Variants in ZNF525 observed in about 807,000 individuals in gnomAD.
ZNF525 encodes zinc finger protein 525.
A neutral mutation model predicts 37.6 loss-of-function variants in ZNF525; 33 were observed. The ratio of observed to expected loss-of-function variants is 0.88; its 90% CI spans 0.67 to 1.17. The LOEUF is 1.17. Among genes scored for constraint, ZNF525 ranks in the 50% most tolerant of loss-of-function variants. ZNF525 has a pLI of 0.00. For synonymous variants in ZNF525, 170 were observed against 182.3 expected, an observed-to-expected ratio of 0.93 and a Z score of 0.54; for missense variants, 449 against 543.1, an observed-to-expected ratio of 0.83 and a Z score of 1.72.
Position 53,383,971 on chromosome 19 carries a change from A to ACAGAAATCT in ZNF525, c.*1953_*1961dup, listed in dbSNP as rs2085587270. ...TTAGACATCAGAGAATCCATACTGG[A>ACAGAAATCT]CAGAAATCTTACAAATGTCATCAGT... On this transcript the variant is annotated 3_prime_UTR_variant, in exon 4 of 4. Transcript: ENST00000474037. 1.2e-6 allele frequency: 1 copy of ACAGAAATCT among 800,128 alleles called. No homozygotes were observed. The allele number at this position is 800,128 out of a possible 1,614,324, so 49.6% of individuals were successfully genotyped here.
chr19:53,380,432 A>G lies in ZNF525; in HGVS notation c.143-290A>G, dbSNP rs142268284. ...TAAGTATGCTGTAAATATGAAGAAT[A>G]TATACTTTTCATTGATGTGACAGTG... On this transcript the variant is annotated intron_variant, in intron 3 of 3. Coordinates refer to ENST00000474037, the MANE Select transcript of ZNF525 (RefSeq NM_001348156.2). Among the ~76,000 whole-genome samples, 240 of 152,264 alleles carry G rather than the reference A, an allele frequency of 1.6e-3. 3 individuals carry two copies. In the East Asian group the frequency reaches 0.023, roughly 15 times the overall value.
In ZNF525 at chr19:53,382,749, A is replaced by G. The variant is rs2085576332; in HGVS notation, c.*730A>G. 1.1e-6 allele frequency: 1 copy of G among 871,892 alleles called. No homozygotes were observed. Among genetic ancestry groups the G allele is most frequent in the Admixed American group, 2.0e-5 (1 of 50,286 alleles). 54.0% of individuals were successfully genotyped at this position (871,892 alleles called of 1,614,324 possible). On this transcript the variant is annotated 3_prime_UTR_variant, in exon 4 of 4. Transcript: ENST00000474037. ...AGACCTTACAAGTGTGATAAATGTG[A>G]CAAATTTTTCAGACATCGTTCATAC...
chr19:53,366,480 GC>G (rs1442072203), intron 1 of ZNF525, among the ~76,000 whole-genome samples: 1 of 149,912 alleles, frequency 6.7e-6, no homozygotes. Context: ...AATGAGAAAG[GC>G]CCATAACAGA....
chr19:53,367,023 T>C (rs189943971), intron 1 of ZNF525, among the ~76,000 whole-genome samples: 63 of 152,262 alleles, frequency 4.1e-4, no homozygotes, highest in African/African-American at 1.4e-3. Context: ...CAGTTAATCA[T>C]ATAATAGGTC....
rs2085564850 is a variant in ZNF525, at chr19:53,381,664, A to G, written c.1085A>G (p.Lys362Arg). The stretch of plus-strand genomic sequence containing the variant: ...CCTTACGAATGTGAAGAATGTGACA[A>G]AGCTTTCAGTTTCAAATCAAACCTT... Reference protein sequence around the residue: ...KKPYECEECDKAFSFKSNLES... With the variant: ...KKPYECEECDRAFSFKSNLES... Residue 362 changes from lysine (K) to arginine (R), a missense_variant, in exon 4 of 4, where the codon AAA becomes AGA. Coordinates refer to ENST00000474037, the MANE Select transcript of ZNF525 (RefSeq NM_001348156.2). The G allele has an allele frequency of 1.8e-6, 2 of 1,122,264 alleles. No individual in the cohort carries two copies. The highest frequency in any genetic ancestry group is 1.5e-5 in the African/African-American group (1 of 65,898). 69.5% of individuals were successfully genotyped at this position (1,122,264 alleles called of 1,614,324 possible).
In ZNF525 at chr19:53,382,517, G is replaced by T; in HGVS notation, c.*498G>T. The T allele has an allele frequency of 3.0e-6, 2 of 666,786 alleles. No homozygotes were observed. Among genetic ancestry groups the T allele is most frequent in the South Asian group, 1.4e-5 (1 of 69,536 alleles). 41.3% of individuals were successfully genotyped at this position (666,786 alleles called of 1,614,324 possible). ...ATGAGTGTGGCAAGACCTTCAGTAA[G>T]GAGTTAACACATGCCATCATAGACG... On this transcript the variant is annotated 3_prime_UTR_variant, in exon 4 of 4. Transcript: ENST00000474037.
chr19:53,383,897 C>T lies in ZNF525; in HGVS notation c.*1878C>T. 1.6e-6 allele frequency: 1 copy of T among 638,830 alleles called. No individual in the cohort carries two copies. Among genetic ancestry groups the T allele is most frequent in the South Asian group, 1.4e-5 (1 of 69,388 alleles). 39.6% of individuals were successfully genotyped at this position (638,830 alleles called of 1,614,324 possible). A position where few individuals can be genotyped will look rare whatever the true frequency, so the allele number is the denominator to read the frequency against. On this transcript the variant is annotated 3_prime_UTR_variant, in exon 4 of 4. Coordinates refer to ENST00000474037, the MANE Select transcript of ZNF525 (RefSeq NM_001348156.2). ...GAGAATTCATACAGGAGAGAAACCT[C>T]ACAAGTGTGATGATCGTGGCAAAGC...
chr19:53,368,177 G>A lies in ZNF525; in HGVS notation c.-68+2418G>A, dbSNP rs148557760. ...TTGTCCATTTGGCTGGCAACTGTCA[G>A]TAGGCCTGTGGCACACAGTTCTAAT... On this transcript the variant is annotated intron_variant, in intron 1 of 3. Coordinates refer to ENST00000474037, the MANE Select transcript of ZNF525 (RefSeq NM_001348156.2). Among the ~76,000 whole-genome samples, 318 of 152,298 alleles carry A rather than the reference G, an allele frequency of 2.1e-3. 2 individuals are homozygous for A. Among genetic ancestry groups the A allele is most frequent in the African/African-American group, 7.3e-3 (302 of 41,566 alleles).
At chr19:53,366,179 A>G (rs1287721277) in intron 1 of ZNF525, among the ~76,000 whole-genome samples, 2 of 138,004 alleles carry the variant, frequency 1.4e-5, no homozygotes, top group Non-Finnish European at 3.3e-5. Context: ...GGGATCCTAC[A>G]AACCCCACCC....
At chr19:53,371,680 T>A (rs2085489159) in intron 1 of ZNF525, among the ~76,000 whole-genome samples, 1 of 152,198 alleles carries the variant, frequency 6.6e-6, no homozygotes. Context: ...AATTTTTGTA[T>A]TTTTAGTAAA....
At position 53,384,796 on chromosome 19, in the gene ZNF525, T is replaced by G; in HGVS notation, c.*2777T>G. 1 of 489,162 alleles carries G rather than the reference T, an allele frequency of 2.0e-6. No homozygotes were observed. The highest frequency in any genetic ancestry group is 3.6e-6 in the Non-Finnish European group (1 of 276,384). The allele number at this position is 489,162 out of a possible 1,614,324, so 30.3% of individuals were successfully genotyped here. On this transcript the variant is annotated 3_prime_UTR_variant, in exon 4 of 4. Coordinates refer to ENST00000474037, the MANE Select transcript of ZNF525 (RefSeq NM_001348156.2). ...AGTTTGATTTCTTTTGCTATTTAAT[T>G]GCTCTGGCTAGGACAGGCAGTATTG...
In ZNF525 at chr19:53,383,522, C is replaced by T. The variant is rs760867415; in HGVS notation, c.*1503C>T. The T allele has an allele frequency of 7.9e-6, 10 of 1,261,848 alleles. No individual in the cohort carries two copies. Among genetic ancestry groups the T allele is most frequent in the Non-Finnish European group, 1.1e-5 (10 of 900,916 alleles). The allele number at this position is 1,261,848 out of a possible 1,614,324, so 78.2% of individuals were successfully genotyped here. On this transcript the variant is annotated 3_prime_UTR_variant, in exon 4 of 4. Transcript: ENST00000474037. ...TGACAAGGCTTTCGGACGTGATTCA[C>T]ACCTGGCACAACATCCCAGAGTTCA... is the stretch of plus-strand genomic sequence containing the variant.
At chr19:53,366,333 T>C (rs1209361639) in intron 1 of ZNF525, among the ~76,000 whole-genome samples, 2 of 134,744 alleles carry the variant, frequency 1.5e-5, no homozygotes, top group African/African-American at 4.9e-5. Context: ...GGGGTGTTCT[T>C]GCCTGCCCAG....
Position 53,382,860 on chromosome 19 carries a change from T to G in ZNF525, c.*841T>G, listed in dbSNP as rs1442889403. 2.0e-5 allele frequency: 27 copies of G among 1,355,038 alleles called. No individual in the cohort carries two copies. The highest frequency in any genetic ancestry group is 2.7e-5 in the Non-Finnish European group (26 of 955,328). 83.9% of individuals were successfully genotyped at this position (1,355,038 alleles called of 1,614,324 possible). On this transcript the variant is annotated 3_prime_UTR_variant, in exon 4 of 4. Transcript: ENST00000474037. ...AAAGCTTTCAGATTCAAATCAAACC[T>G]TGAAAGTCATAGGAGAATTCATACT... is the stretch of plus-strand genomic sequence containing the variant.
rs369898015 is a variant in ZNF525, at chr19:53,381,339, C to T, written c.760C>T (p.Arg254Trp). 8.6e-5 allele frequency: 135 copies of T among 1,577,544 alleles called. No homozygotes were observed. Among genetic ancestry groups the T allele is most frequent in the East Asian group, 7.2e-4 (32 of 44,706 alleles). The change falls in exon 4 of 4, where the codon CGG becomes TGG. Residue 254 changes from arginine (R) to tryptophan (W), a missense_variant. Arg to Trp is a moderately radical substitution (Grantham distance 101). This residue lies in a region of ZNF525 where 271 missense variants were observed against 381.6 expected (regional missense o/e 0.71). Transcript: ENST00000474037. ...KCDVCDKVFI[R>W]KRYLARHRRC... ...TGATGTATGTGACAAGGTCTTTATT[C>T]GGAAGCGATACCTTGCACGCCATCG...
In ZNF525 at chr19:53,381,346, G is replaced by A. The variant is rs1481837353; in HGVS notation, c.767G>A (p.Arg256Gln). ...DVCDKVFIRK[R>Q]YLARHRRCHT... ...TGTGACAAGGTCTTTATTCGGAAGCGATACCTTGCACGCCATCGTAGATGT... is the reference window on the plus strand; with the variant it reads ...TGTGACAAGGTCTTTATTCGGAAGCAATACCTTGCACGCCATCGTAGATGT... The change falls in exon 4 of 4, where the codon CGA (arginine) becomes CAA (glutamine). Residue 256 changes from arginine to glutamine, a missense_variant. This residue lies in a region of ZNF525 where 271 missense variants were observed against 381.6 expected (regional missense o/e 0.71). Transcript: ENST00000474037. The A allele has an allele frequency of 1.3e-5, 20 of 1,588,660 alleles. No individual in the cohort carries two copies. Among genetic ancestry groups the A allele is most frequent in the Admixed American group, 8.3e-5 (5 of 59,966 alleles).
At position 53,365,726 on chromosome 19, in the gene ZNF525, C is replaced by G. The variant is rs10407786; in HGVS notation, c.-101C>G. The G allele has an allele frequency of 0.12, 21,138 of 182,220 alleles. 1,558 individuals carry two copies. Among genetic ancestry groups the G allele is most frequent in the Non-Finnish European group, 0.16 (13,223 of 84,218 alleles). 11.3% of individuals were successfully genotyped at this position (182,220 alleles called of 1,614,324 possible). A position where few individuals can be genotyped will look rare whatever the true frequency, so the allele number is the denominator to read the frequency against. On this transcript the variant is annotated 5_prime_UTR_variant, in exon 1 of 4. Transcript: ENST00000474037. ...GCTCAGACGCGCGCAAACCCGGAAG[C>G]AGATCGCGTGGAGTGAAGGTCCCTC...
chr19:53,381,901 G>T lies in ZNF525; in HGVS notation c.1322G>T (p.Cys441Phe). Residue 441 changes from cysteine to phenylalanine, a missense_variant, in exon 4 of 4, where the codon TGT becomes TTT. Cys to Phe is a radical substitution (Grantham distance 205, BLOSUM62 -2). This residue lies in a region of ZNF525 where 178 missense variants were observed against 161.5 expected (regional missense o/e 1.10). Transcript: ENST00000474037. ...RIHNGEKLYKCNECGKTFSQE... is the reference protein window; with the variant it reads ...RIHNGEKLYKFNECGKTFSQE... The stretch of plus-strand genomic sequence containing the variant: ...CATAATGGAGAGAAACTGTACAAAT[G>T]TAATGAGTGTGGCAAGACCTTCAGT... 1.0e-6 allele frequency: 1 copy of T among 982,114 alleles called. No individual in the cohort carries two copies. Among genetic ancestry groups the T allele is most frequent in the East Asian group, 2.4e-5 (1 of 42,072 alleles). 60.8% of individuals were successfully genotyped at this position (982,114 alleles called of 1,614,324 possible). A position where few individuals can be genotyped will look rare whatever the true frequency, so the allele number is the denominator to read the frequency against.
chr19:53,366,027 C>T (rs2085440603), intron 1 of ZNF525, among the ~76,000 whole-genome samples: 1 of 152,142 alleles, frequency 6.6e-6, no homozygotes, highest in Admixed American at 6.5e-5. Flanking sequence ...CTTTTTCTGA[C>T]TCCTCCCGCC....
Sources: allele counts gnomAD v4.1 joint callset (sites outside exome capture counted in the v4.1 genomes callset), GRCh38; gene constraint gnomAD v4.1.1; regional missense constraint gnomAD v4.1.1; transcripts MANE v1.5; gene names NCBI Gene and HGNC (gene_info 2026-07-23, HGNC 2026-07-21).